GRIA3: variants seen among roughly 807,000 people sequenced by gnomAD.
GRIA3 encodes glutamate receptor 3.
In GRIA3, 3 loss-of-function variants were observed where a neutral mutation model predicts 63.0. The observed-to-expected ratio is 0.05, with a 90% CI of 0.02 to 0.12. The LOEUF is 0.12. Among genes scored for constraint, GRIA3 ranks in the 10% least tolerant of loss-of-function variants. The pLI is 1.00. For synonymous variants in GRIA3, 274 were observed against 257.9 expected, an observed-to-expected ratio of 1.06 and a Z score of -0.60; for missense variants, 347 against 700.9, an observed-to-expected ratio of 0.50 and a Z score of 5.70.
chrX:123,315,003 T>A (rs183872612), intron 3 of GRIA3, among the ~76,000 whole-genome samples: 27 of 112,020 alleles, frequency 2.4e-4, no homozygotes, highest in African/African-American at 8.1e-4. Flanking sequence ...TTATCAGTCA[T>A]GGACAGTCTA....
At chrX:123,287,257 G>C (rs1010427014) in intron 3 of GRIA3, among the ~76,000 whole-genome samples, 11 of 111,365 alleles carry the variant, frequency 9.9e-5, no homozygotes, top group Non-Finnish European at 1.9e-4. Flanking sequence ...TATTGAAGGA[G>C]CATACATCGA....
At chrX:123,453,951 G>A (rs1257757361) in intron 12 of GRIA3, among the ~76,000 whole-genome samples, 2 of 111,314 alleles carry the variant, frequency 1.8e-5, no homozygotes, top group South Asian at 3.8e-4. Context: ...AATACATAAC[G>A]TTATACTCCT....
intron 3 of GRIA3, among the ~76,000 whole-genome samples, chrX:123,259,027 T>G (rs1281969421): frequency 8.9e-6 from 1 of 111,758 alleles, no homozygotes; most frequent in Non-Finnish European, 1.9e-5. Flanking sequence ...GCTGAAAGAG[T>G]GACTTATCTA....
intron 5 of GRIA3, among the ~76,000 whole-genome samples, chrX:123,392,709 T>A (rs1402555338): frequency 8.9e-6 from 1 of 112,134 alleles, no homozygotes; most frequent in Non-Finnish European, 1.9e-5. Flanking sequence ...ATGTTTCCTG[T>A]CACTTCTCTA....
rs781721923 is a variant in GRIA3, at chrX:123,404,872, G to C, written c.1458G>C (p.Glu486Asp). The C allele has an allele frequency of 8.3e-7, 1 of 1,209,387 alleles. No individual in the cohort carries two copies. The highest frequency in any genetic ancestry group is 1.1e-6 in the Non-Finnish European group (1 of 893,279). The part of the protein sequence containing the change: ...GDGKYGARDP[E>D]TKIWNGMVGE... ...GGAAATATGGTGCAAGGGATCCAGAGACTAAAATATGGAACGGCATGGTTG... is the reference window on the plus strand; with the variant it reads ...GGAAATATGGTGCAAGGGATCCAGACACTAAAATATGGAACGGCATGGTTG... The change falls in exon 10 of 16, where the codon GAG (glutamate) becomes GAC (aspartate). Residue 486 changes from glutamate (E) to aspartate (D), a missense_variant. Coordinates refer to ENST00000620443, the MANE Select transcript of GRIA3 (RefSeq NM_007325.5).
At chrX:123,322,270 A>G in intron 3 of GRIA3, among the ~76,000 whole-genome samples, 1 of 112,202 alleles carries the variant, frequency 8.9e-6, no homozygotes, top group East Asian at 2.8e-4. Flanking sequence ...GCAGATGACA[A>G]TCTAGCATTC....
At chrX:123,383,303 C>CACAATACAT in intron 5 of GRIA3, among the ~76,000 whole-genome samples, 1 of 111,576 alleles carries the variant, frequency 9.0e-6, no homozygotes, top group East Asian at 2.8e-4. Flanking sequence ...GACCCCTCTT[C>CACAATACAT]TGGCTACCAT....
rs183446878 is a variant in GRIA3, at chrX:123,210,449, G to T, written c.268+24459G>T. 2.3e-3 allele frequency among the ~76,000 whole-genome samples: 259 copies of T among 111,213 alleles called. 1 individual carries two copies. Among genetic ancestry groups the T allele is most frequent in the African/African-American group, 8.2e-3 (252 of 30,660 alleles). On this transcript the variant is annotated intron_variant, in intron 2 of 15. Transcript: ENST00000620443. ...CAAAGTATCTCTTGCCTTAGCTTCT[G>T]CTGACACTTCACTTTCTTGATTCTC...
chrX:123,348,101 C>T (rs1271328804), intron 4 of GRIA3, among the ~76,000 whole-genome samples: 1 of 111,821 alleles, frequency 8.9e-6, no homozygotes, highest in African/African-American at 3.2e-5. Flanking sequence ...CTCAAGCTTG[C>T]TACTCAGTAC....
intron 5 of GRIA3, among the ~76,000 whole-genome samples, chrX:123,384,343 G>A (rs901897955): frequency 2.7e-5 from 3 of 112,128 alleles, no homozygotes; most frequent in East Asian, 2.8e-4. Flanking sequence ...TTCCCTTTTC[G>A]GCCAGGCGTG....
At chrX:123,454,254 T>G (rs1025650929) in intron 12 of GRIA3, among the ~76,000 whole-genome samples, 6 of 110,996 alleles carry the variant, frequency 5.4e-5, no homozygotes, top group Non-Finnish European at 7.6e-5. Flanking sequence ...AGTTCCCAGA[T>G]CCACCACATA....
intron 3 of GRIA3, among the ~76,000 whole-genome samples, chrX:123,282,369 T>C (rs2044591425): frequency 8.9e-6 from 1 of 112,343 alleles, no homozygotes; most frequent in Non-Finnish European, 1.9e-5. Flanking sequence ...CAGAAATAAA[T>C]CTTTCTGATA....
rs768259703 is a variant in GRIA3 at position 123,375,443 on chromosome X, G to A, written c.751-19525G>A. Among the ~76,000 whole-genome samples the A allele has an allele frequency of 1.3e-4, 15 of 111,607 alleles. No individual in the cohort carries two copies. The South Asian group carries it at 1.5e-3, about 11-fold the overall frequency. The stretch of plus-strand genomic sequence containing the variant: ...TGGGTTTTGGTATCTGGTTAATACC[G>A]CCCTTGGAGAATAAGTTTGTAAGTC... On this transcript the variant is annotated intron_variant, in intron 5 of 15. Coordinates refer to ENST00000620443, the MANE Select transcript of GRIA3 (RefSeq NM_007325.5).
intron 5 of GRIA3, among the ~76,000 whole-genome samples, chrX:123,391,025 C>T (rs55737844): frequency 0.13 from 14,462 of 110,390 alleles, 975 homozygotes; most frequent in Middle Eastern, 0.25. Context: ...AAATTTCTCA[C>T]TCATATCCTG....
intron 1 of GRIA3, chrX:123,184,979 C>A (rs1004166874): frequency 2.7e-6 from 1 of 374,027 alleles, no homozygotes; most frequent in African/African-American, 2.5e-5. Context: ...TTTCGGCTCG[C>A]TGCTCTGGAC....
intron 2 of GRIA3, among the ~76,000 whole-genome samples, chrX:123,226,861 T>TG (rs1406419514): frequency 2.7e-5 from 3 of 111,514 alleles, no homozygotes; most frequent in African/African-American, 9.8e-5. Flanking sequence ...GCTGAAGCTT[T>TG]GGGGCATGTT....
intron 5 of GRIA3, among the ~76,000 whole-genome samples, chrX:123,392,178 G>A (rs1480100220): frequency 8.9e-6 from 1 of 112,239 alleles, no homozygotes; most frequent in Non-Finnish European, 1.9e-5. Flanking sequence ...ATGTGCTTTG[G>A]CCCTGATATA....
intron 2 of GRIA3, among the ~76,000 whole-genome samples, chrX:123,239,944 TA>T (rs1411050574): frequency 8.9e-6 from 1 of 112,193 alleles, no homozygotes; most frequent in Non-Finnish European, 1.9e-5. Flanking sequence ...GTGCCCTTGT[TA>T]AAAAGCTGGA....
intron 5 of GRIA3, among the ~76,000 whole-genome samples, chrX:123,365,916 G>T (rs1163802553): frequency 8.9e-6 from 1 of 111,919 alleles, no homozygotes; most frequent in Non-Finnish European, 1.9e-5. Context: ...CATTTTTATG[G>T]TTATTTCTTG....
Sources: gnomAD v4.1 joint callset for allele counts (sites outside exome capture counted in the v4.1 genomes callset) on GRCh38, gnomAD v4.1.1 for gene constraint, MANE v1.5 for transcripts, NCBI Gene and HGNC (gene_info 2026-07-23, HGNC 2026-07-21) for gene names.